TTN: variants seen among roughly 807,000 people sequenced by gnomAD.
The protein encoded by TTN is titin.
TTN carries 1,525 observed loss-of-function variants against 3,223.0 expected under a neutral mutation model. The observed-to-expected ratio is 0.47, with a 90% CI of 0.45 to 0.49. The LOEUF (loss-of-function observed/expected upper bound fraction) is 0.49. TTN is among the 20% of genes least tolerant of loss of function. TTN has a pLI of 0.00. For synonymous variants in TTN, 14,094 were observed against 15,161.0 expected (o/e 0.93, Z 5.17); for missense variants, 40,786 against 43,424.0 (o/e 0.94, Z 5.40).
Position 178,617,327 on chromosome 2 carries a change from T to G in TTN, c.47758A>C (p.Lys15920Gln), listed in dbSNP as rs775513269. 8.9e-6 allele frequency: 14 copies of G among 1,571,782 alleles called. No homozygotes were observed. In the Admixed American group the frequency reaches 2.6e-4, roughly 29 times the overall value. Residue 15920 changes from lysine to glutamine, a missense_variant and splice_region_variant, in exon 254 of 363, where the codon AAG becomes CAG. Lys to Gln is a moderately conservative substitution (Grantham distance 53). Transcript: ENST00000589042. The part of the protein sequence containing the change: ...NMKLVPELTY[K>Q]VTGLEKGNKY... ...TTTTTTATATGCAAATGACCTACCT[T>G]GTAAGTCAGTTCAGGGACAAGTTTC...
At chr2:178,716,821 T>C (rs955334625) in intron 88 of TTN, among the ~76,000 whole-genome samples, 4 of 152,182 alleles carry the variant, frequency 2.6e-5, no homozygotes, top group African/African-American at 9.6e-5. Context: ...TAGGATTTTC[T>C]TGCAATTTTG....
intron 354 of TTN, 166 bp from the exon 355 acceptor site, chr2:178,538,083 G>T: frequency 3.1e-6 from 2 of 647,664 alleles, no homozygotes; most frequent in Non-Finnish European, 5.1e-6. Flanking sequence ...AGGATCATAT[G>T]GTAAATAGGG....
chr2:178,598,998 G>T lies in TTN; in HGVS notation c.56712C>A (p.Asn18904Lys). ...CTCCATCATATTCTGGCTCTTCCCA[G>T]TTGACAGTCATGGAGTTACGAGTCA... The part of the protein sequence containing the change: ...SSVTRNSMTV[N>K]WEEPEYDGGS... Residue 18904 changes from asparagine (N) to lysine (K), a missense_variant, in exon 291 of 363, where the codon AAC becomes AAA. Transcript: ENST00000589042. 1 of 1,610,642 alleles carries T rather than the reference G, an allele frequency of 6.2e-7. No individual in the cohort carries two copies. The highest frequency in any genetic ancestry group is 1.3e-5 in the African/African-American group (1 of 74,868).
Position 178,651,985 on chromosome 2 carries a change from C to CT in TTN, c.39296-19_39296-18insA. On this transcript the variant is annotated intron_variant, in intron 204 of 362. Transcript: ENST00000589042. ...CTCGAACACTTTAAAGACATGAGCT[C>CT]ATTTTAATGCCAGAATTGACTAAAA... 1 of 1,610,700 alleles carries CT rather than the reference C, an allele frequency of 6.2e-7. No individual in the cohort carries two copies. The highest frequency in any genetic ancestry group is 8.5e-7 in the Non-Finnish European group (1 of 1,178,388).
At chr2:178,665,242 T>C (rs1230120506) in intron 165 of TTN, 135 bp downstream of exon 165, 5 of 903,154 alleles carry the variant, frequency 5.5e-6, no homozygotes, top group Non-Finnish European at 8.4e-6. Flanking sequence ...GGAAACTTCC[T>C]GTGGAACCTC....
chr2:178,713,803 A>G lies in TTN; in HGVS notation c.26761+94T>C, dbSNP rs2077052443. ...ATTCAGAAGATGTCGGACTCATGTT[A>G]TCCTATAGAAGATGTAACAACCCAT... On this transcript the variant is annotated intron_variant, in intron 92 of 362. Coordinates refer to ENST00000589042, the MANE Select transcript of TTN (RefSeq NM_001267550.2). The G allele has an allele frequency of 4.8e-6, 7 of 1,451,072 alleles. No individual in the cohort carries two copies. The Middle Eastern group carries it at 7.2e-4, about 149-fold the overall frequency. The allele number at this position is 1,451,072 out of a possible 1,614,324, so 89.9% of individuals were successfully genotyped here.
rs770637793 is a variant in TTN at position 178,732,846 on chromosome 2, G to T, written c.16330C>A (p.Leu5444Met). 6.2e-7 allele frequency: 1 copy of T among 1,611,186 alleles called. No homozygotes were observed. Among genetic ancestry groups the T allele is most frequent in the Non-Finnish European group, 8.5e-7 (1 of 1,178,052 alleles). Residue 5444 changes from leucine to methionine, a missense_variant, in exon 55 of 363, where the codon CTG becomes ATG. Coordinates refer to ENST00000589042, the MANE Select transcript of TTN (RefSeq NM_001267550.2). ...SVGSKDSSGA[L>M]IVQEPPSFVT... Reference sequence around the variant, plus strand: ...GTCTCCAGCCAACCTTGCACAATCAGGGCTCCACTGCTGTCTTTGCTTCCC... The same window carrying T: ...GTCTCCAGCCAACCTTGCACAATCATGGCTCCACTGCTGTCTTTGCTTCCC...
chr2:178,725,433 T>G lies in TTN; in HGVS notation c.20771A>C (p.Lys6924Thr). 8 of 1,612,008 alleles carry G rather than the reference T, an allele frequency of 5.0e-6. No homozygotes were observed. The highest frequency in any genetic ancestry group is 6.8e-6 in the Non-Finnish European group (8 of 1,178,914). Residue 6924 changes from lysine (K) to threonine (T), a missense_variant, in exon 71 of 363, where the codon AAG becomes ACG. By Grantham distance (78) the Lys-to-Thr change is moderately conservative (BLOSUM62 -1). Coordinates refer to ENST00000589042, the MANE Select transcript of TTN (RefSeq NM_001267550.2). The part of the protein sequence containing the change: ...FAKAEPANAG[K>T]YICQIKNDGG... ...ATCATTCTTGATTTGGCAGATATAC[T>G]TTCCAGCATTAGCTGGCTCTGCTTT...
In TTN at chr2:178,551,199, G is replaced by A. The variant is rs397517752; in HGVS notation, c.91332C>T (p.Asn30444=). 5.0e-6 allele frequency: 8 copies of A among 1,613,366 alleles called. No homozygotes were observed. In the Admixed American group the frequency reaches 8.3e-5, roughly 17 times the overall value. Residue 30444 remains asparagine, a synonymous_variant, in exon 336 of 363, where the codon AAC becomes AAT. Transcript: ENST00000589042. ...TACTGCCTCCATCACGCAATGGTGGGTTCCATTTAAGTGTGATGGTTTCCC... is the reference window on the plus strand; with the variant it reads ...TACTGCCTCCATCACGCAATGGTGGATTCCATTTAAGTGTGATGGTTTCCC... ...VTRETITLKW[N]PPLRDGGSKI...
Position 178,773,593 on chromosome 2 carries a change from T to A in TTN, c.7463A>T (p.Asp2488Val). The change falls in exon 32 of 363, where the codon GAT becomes GTT. Residue 2488 changes from aspartate (D) to valine (V), a missense_variant. Physicochemically the swap from Asp to Val is radical, Grantham distance 152. Coordinates refer to ENST00000589042, the MANE Select transcript of TTN (RefSeq NM_001267550.2). ...TTTCACAATGGCCTGTACACGGTCA[T>A]CAGGCTTGATTTGTTCATCATTTAA... Reference protein sequence around the residue: ...WYLNDEQIKPDDRVQAIVKGT... With the variant: ...WYLNDEQIKPVDRVQAIVKGT... 6.2e-7 allele frequency: 1 copy of A among 1,614,058 alleles called. No individual in the cohort carries two copies. The highest frequency in any genetic ancestry group is 8.5e-7 in the Non-Finnish European group (1 of 1,179,970).
rs876658086 is a variant in TTN at position 178,562,572 on chromosome 2, T to C, written c.83560A>G (p.Thr27854Ala). ...NEYGIGLPAE[T>A]TEPVKVSEPP... ...TCAGACACTTTAACGGGTTCTGTTG[T>C]TTCAGCTGGCAAACCAATCCCATAT... Residue 27854 changes from threonine to alanine, a missense_variant, in exon 326 of 363, where the codon ACA becomes GCA. Physicochemically the swap from Thr to Ala is moderately conservative, Grantham distance 58 (BLOSUM62 0). Transcript: ENST00000589042. 1 of 1,610,858 alleles carries C rather than the reference T, an allele frequency of 6.2e-7. No homozygotes were observed. The highest frequency in any genetic ancestry group is 1.3e-5 in the African/African-American group (1 of 74,756).
chr2:178,619,018 T>C (rs532731671), intron 250 of TTN, 165 bp from the exon 251 acceptor site: 2 of 847,276 alleles, frequency 2.4e-6, no homozygotes, highest in African/African-American at 3.9e-5. Context: ...TCATAGCTTT[T>C]TGTTGTTGTT....
Position 178,740,772 on chromosome 2 carries a change from A to T in TTN, c.12461T>A (p.Ile4154Asn), listed in dbSNP as rs779720111. ...KEPSPNLQLQ[I>N]VQSQKTFSKE... is the part of the protein sequence containing the mutation. ...GGAGAAGGTTTTCTGGGACTGTACA[A>T]TCTGCAGCTGTAGGTTGGGAGATGG... Residue 4154 changes from isoleucine to asparagine, a missense_variant, in exon 48 of 363, where the codon ATT becomes AAT. Physicochemically the swap from Ile to Asn is moderately radical, Grantham distance 149. Transcript: ENST00000589042. 6.2e-7 allele frequency: 1 copy of T among 1,613,634 alleles called. No homozygotes were observed. The highest frequency in any genetic ancestry group is 2.2e-5 in the East Asian group (1 of 44,840).
Position 178,535,576 on chromosome 2 carries a change from T to C in TTN, c.101039A>G (p.Lys33680Arg). Residue 33680 changes from lysine (K) to arginine (R), a missense_variant, in exon 358 of 363, where the codon AAG (lysine) becomes AGG (arginine). Physicochemically the swap from Lys to Arg is conservative, Grantham distance 26. Transcript: ENST00000589042. The stretch of plus-strand genomic sequence containing the variant: ...ATCAGCCACATCCAGTTCAACTGTC[T>C]TCTGATCAATTCCAAATCTGTTTTT... The part of the protein sequence containing the change: ...CAKNRFGIDQ[K>R]TVELDVADVP... 6.2e-7 allele frequency: 1 copy of C among 1,613,928 alleles called. No individual in the cohort carries two copies. The highest frequency in any genetic ancestry group is 8.5e-7 in the Non-Finnish European group (1 of 1,179,838).
At chr2:178,582,889 A>C (rs1313575610) in intron 313 of TTN, 51 bp downstream of exon 313, 4 of 1,378,878 alleles carry the variant, frequency 2.9e-6, no homozygotes. Context: ...TCCTATTTAC[A>C]TCCCATTATC....
rs1485470328 is a variant in TTN at position 178,706,518 on chromosome 2, A to G, written c.29356T>C (p.Leu9786=). The G allele has an allele frequency of 1.2e-6, 2 of 1,613,816 alleles. No individual in the cohort carries two copies. The highest frequency in any genetic ancestry group is 1.3e-5 in the African/African-American group (1 of 75,018). The change falls in exon 102 of 363, where the codon TTA becomes CTA. Residue 9786 remains leucine, a synonymous_variant. Transcript: ENST00000589042. The part of the protein sequence containing the change: ...EHGEIESNVN[L]QVDERKKQEK... Reference sequence around the variant, plus strand: ...TGTTTCTTCCTTTCATCCACCTGTAAGTTAACATTACTTTCAATTTCACCA... The same window carrying G: ...TGTTTCTTCCTTTCATCCACCTGTAGGTTAACATTACTTTCAATTTCACCA...
At chr2:178,628,031 G>C (rs181698539) in intron 240 of TTN, among the ~76,000 whole-genome samples, 1 of 152,174 alleles carries the variant, frequency 6.6e-6, no homozygotes, top group African/African-American at 2.4e-5. Flanking sequence ...TTTGTGATAT[G>C]TAACTTAATT....
At position 178,672,116 on chromosome 2, in the gene TTN, G is replaced by A. The variant is rs377761863; in HGVS notation, c.35082C>T (p.Gly11694=). The part of the protein sequence containing the change: ...FHEVEEYFEE[G]EFHEVEEFIK... ...TGAATTCTTCTACTTCATGAAACTCGCCTTCTTCAAAATATTCTTCAACTT... is the reference window on the plus strand; with the variant it reads ...TGAATTCTTCTACTTCATGAAACTCACCTTCTTCAAAATATTCTTCAACTT... The change falls in exon 155 of 363, where the codon GGC becomes GGT. Residue 11694 remains glycine (G), a synonymous_variant. Transcript: ENST00000589042. 53 of 1,610,952 alleles carry A rather than the reference G, an allele frequency of 3.3e-5. No individual in the cohort carries two copies. The highest frequency in any genetic ancestry group is 2.0e-4 in the South Asian group (18 of 90,850).
In TTN at chr2:178,547,525, TTGAG is replaced by T. The variant is rs1305648131; in HGVS notation, c.94097_94100del (p.Thr31366LysfsTer29). Reference sequence around the variant, plus strand: ...ATTTTGTGAGATGAGTGACTTTAATTTGAGTGCGCTTGACACTGGAATTGACAAG... The same window carrying T: ...ATTTTGTGAGATGAGTGACTTTAATTTGCGCTTGACACTGGAATTGACAAG... On this transcript the variant is annotated frameshift_variant, in exon 339 of 363. Transcript: ENST00000589042. LOFTEE classifies it high-confidence loss of function. 1 of 1,613,748 alleles carries T rather than the reference TTGAG, an allele frequency of 6.2e-7. No individual in the cohort carries two copies.
Sources: gnomAD v4.1 joint callset for allele counts (sites outside exome capture counted in the v4.1 genomes callset) on GRCh38, gnomAD v4.1.1 for gene constraint, MANE v1.5 for transcripts, NCBI Gene and HGNC (gene_info 2026-07-23, HGNC 2026-07-21) for gene names.